The following SLC19A1 variants were observed in gnomAD, a reference collection of about 807,000 sequenced individuals.
The protein encoded by SLC19A1 is reduced folate transporter.
A neutral mutation model predicts 35.3 loss-of-function variants in SLC19A1; 37 were observed. That is an observed-to-expected ratio of 1.05 (90% CI 0.81 to 1.38). The LOEUF (loss-of-function observed/expected upper bound fraction) is 1.38. SLC19A1 is among the 40% of genes most tolerant of loss of function. The pLI is 0.00. For synonymous variants in SLC19A1, 460 were observed against 398.5 expected, an observed-to-expected ratio of 1.15 and a Z score of -1.84; for missense variants, 831 against 826.9, an observed-to-expected ratio of 1.00 and a Z score of -0.06.
downstream of SLC19A1, chr21:45,511,337 G>A (rs914559405): frequency 1.4e-6 from 1 of 698,052 alleles, no homozygotes; most frequent in Non-Finnish European, 2.6e-6. Context: ...TCTTATACAT[G>A]CTCATTACTT....
intron 1 of SLC19A1, among the ~76,000 whole-genome samples, chr21:45,558,806 CT>C (rs11363346): frequency 0.44 from 61,296 of 138,968 alleles, 12,797 homozygotes; most frequent in African/African-American, 0.52. Context: ...TTTTCTTTTT[CT>C]TTTTTCTTTT....
chr21:45,515,022 G>T lies in SLC19A1; in HGVS notation c.*636C>A. The stretch of plus-strand genomic sequence containing the variant: ...AGGACAGACAGGACCATGGAGGGCT[G>T]CCCTTAGGGTGGGAGAGAGGAACCA... On this transcript the variant is annotated 3_prime_UTR_variant, in exon 6 of 6. Transcript: ENST00000311124. 6.5e-7 allele frequency: 1 copy of T among 1,536,454 alleles called. No individual in the cohort carries two copies. Among genetic ancestry groups the T allele is most frequent in the East Asian group, 2.5e-5 (1 of 40,778 alleles).
chr21:45,521,083 C>T (rs929246221), intron 5 of SLC19A1, among the ~76,000 whole-genome samples: 1 of 151,330 alleles, frequency 6.6e-6, no homozygotes, highest in African/African-American at 2.4e-5. Context: ...AAAAAAAGAC[C>T]ATATGAAGAC....
chr21:45,562,953 C>T (rs1001774749), exon 1 of SLC19A1, among the ~76,000 whole-genome samples: 4 of 152,178 alleles, frequency 2.6e-5, no homozygotes, highest in South Asian at 2.1e-4. Context: ...TACGTGTGTA[C>T]GGATCTGTGC....
In SLC19A1 at chr21:45,515,744, G is replaced by T. The variant is rs922871423; in HGVS notation, c.1690C>A (p.Pro564Thr). The change falls in exon 6 of 6, where the codon CCC becomes ACC. Residue 564 changes from proline (P) to threonine (T), a missense_variant. Physicochemically the swap from Pro to Thr is conservative, Grantham distance 38 (BLOSUM62 -1). Transcript: ENST00000311124. ...SGPEAADETC[P>T]QLAVHPPGVS... Reference sequence around the variant, plus strand: ...CCAGGAGGATGGACAGCCAGCTGGGGACAAGTCTCATCTGCAGCCTCAGGG... The same window carrying T: ...CCAGGAGGATGGACAGCCAGCTGGGTACAAGTCTCATCTGCAGCCTCAGGG... 4 of 1,613,720 alleles carry T rather than the reference G, an allele frequency of 2.5e-6. No homozygotes were observed. The highest frequency in any genetic ancestry group is 3.4e-6 in the Non-Finnish European group (4 of 1,180,020).
Position 45,515,621 on chromosome 21 carries a change from G to A in SLC19A1, c.*37C>T. 6.2e-7 allele frequency: 1 copy of A among 1,611,498 alleles called. No homozygotes were observed. The highest frequency in any genetic ancestry group is 2.2e-5 in the East Asian group (1 of 44,872). On this transcript the variant is annotated 3_prime_UTR_variant, in exon 6 of 6. Transcript: ENST00000311124. ...GGCAGGGGTCGTGGGGATGCACTGA[G>A]GGCCGCCTGCAAAGTTACCACAGGG...
intron 5 of SLC19A1, 44 bp from the exon 6 acceptor site, chr21:45,516,184 G>A: frequency 1.3e-6 from 2 of 1,494,032 alleles, no homozygotes; most frequent in Non-Finnish European, 1.8e-6. Context: ...GGGCCTGGCT[G>A]GGACACTGGC....
At position 45,505,671 on chromosome 21, in the gene SLC19A1, C is replaced by A. The variant is rs28547269; in HGVS notation, c.498-7059G>T. Among the ~76,000 whole-genome samples the A allele has an allele frequency of 0.53, 80,683 of 151,990 alleles. 22,460 individuals are homozygous for A. Among genetic ancestry groups the A allele is most frequent in the African/African-American group, 0.71 (29,587 of 41,464 alleles). Reference sequence around the variant, plus strand: ...TTGTCCACGGAGGCGCAGGAGCTGGCGGCAGGCAGGGGTCCCCATGGTGCT... The same window carrying A: ...TTGTCCACGGAGGCGCAGGAGCTGGAGGCAGGCAGGGGTCCCCATGGTGCT... On this transcript the variant is annotated intron_variant, in intron 3 of 4. Transcript: ENST00000417954.
rs1190334080 is a variant in SLC19A1, at chr21:45,530,307, T to C, written c.1151+463A>G. Among the ~76,000 whole-genome samples the C allele has an allele frequency of 6.6e-6, 1 of 150,994 alleles. No homozygotes were observed. Among genetic ancestry groups the C allele is most frequent in the Non-Finnish European group, 1.5e-5 (1 of 67,784 alleles). On this transcript the variant is annotated intron_variant, in intron 4 of 5. Coordinates refer to ENST00000311124, the MANE Select transcript of SLC19A1 (RefSeq NM_194255.4). This position sits in a 1 kb window ranked among gnomAD's most constrained non-coding sequence, Gnocchi z 5.3. ...TTTGTCCATGTGTGCACGTGTGGTATGTGTTCATGAGTGTGTGGTGAGTGT... is the reference window on the plus strand; with the variant it reads ...TTTGTCCATGTGTGCACGTGTGGTACGTGTTCATGAGTGTGTGGTGAGTGT...
At chr21:45,511,340 C>T (rs1241697964), downstream of SLC19A1, 8 of 696,458 alleles carry the variant, frequency 1.1e-5, no homozygotes, top group Admixed American at 2.0e-5. Context: ...TATACATGCT[C>T]ATTACTTTAA....
chr21:45,557,771 C>T (rs576324647), intron 1 of SLC19A1, among the ~76,000 whole-genome samples: 1 of 152,312 alleles, frequency 6.6e-6, no homozygotes, highest in East Asian at 1.9e-4. Flanking sequence ...AGGAGCTTGT[C>T]CCGGCTCAGG....
At position 45,515,818 on chromosome 21, in the gene SLC19A1, G is replaced by A. The variant is rs1305979626; in HGVS notation, c.1616C>T (p.Pro539Leu). ...PAPQAAEFLS[P>L]VTTPSPCTLC... is the part of the protein sequence containing the mutation. ...AGTGCAGGGGGAAGGGGTTGTCACT[G>A]GGCTCAGGAATTCAGCTGCCTGCGG... The change falls in exon 6 of 6, where the codon CCA becomes CTA. Residue 539 changes from proline (P) to leucine (L), a missense_variant. Coordinates refer to ENST00000311124, the MANE Select transcript of SLC19A1 (RefSeq NM_194255.4). 1.2e-6 allele frequency: 2 copies of A among 1,609,696 alleles called. No homozygotes were observed. Among genetic ancestry groups the A allele is most frequent in the African/African-American group, 1.3e-5 (1 of 74,938 alleles).
chr21:45,535,548 G>A (rs1352286286), intron 2 of SLC19A1, among the ~76,000 whole-genome samples: 3 of 152,214 alleles, frequency 2.0e-5, no homozygotes, highest in Non-Finnish European at 2.9e-5. Context: ...CCAGACGGCC[G>A]GCGCTCAGCA....
intron 3 of SLC19A1, chr21:45,504,472 G>C: frequency 6.2e-7 from 1 of 1,608,840 alleles, no homozygotes; most frequent in Non-Finnish European, 8.5e-7. Context: ...GGGAGCCCGG[G>C]GGCGGCGGTT....
At chr21:45,538,459 C>A (rs2078205269) in intron 1 of SLC19A1, among the ~76,000 whole-genome samples, 1 of 152,226 alleles carries the variant, frequency 6.6e-6, no homozygotes. Context: ...GCTCTAGCGG[C>A]ACCCAGGTGG....
intron 1 of SLC19A1, among the ~76,000 whole-genome samples, chr21:45,557,035 C>A (rs1289402427): frequency 6.6e-6 from 1 of 152,214 alleles, no homozygotes; most frequent in Non-Finnish European, 1.5e-5. Context: ...CATGTAACCT[C>A]CCCTGGGCTC....
At chr21:45,529,461 C>G (rs1298422896) in intron 4 of SLC19A1, among the ~76,000 whole-genome samples, 2 of 152,186 alleles carry the variant, frequency 1.3e-5, no homozygotes, top group Non-Finnish European at 2.9e-5. Flanking sequence ...GGCCAAAGTC[C>G]TCCCAGCGGG....
Position 45,537,792 on chromosome 21 carries a change from G to A in SLC19A1, c.168C>T (p.Asp56=), listed in dbSNP as rs763380658. 4 of 1,485,214 alleles carry A rather than the reference G, an allele frequency of 2.7e-6. No homozygotes were observed. The South Asian group carries it at 3.7e-5, about 14-fold the overall frequency. 92.0% of individuals were successfully genotyped at this position (1,485,214 alleles called of 1,614,324 possible). Residue 56 remains aspartate, a synonymous_variant, in exon 2 of 6, where the codon GAC becomes GAT. Transcript: ENST00000311124. The part of the protein sequence containing the change: ...SFITPYLLGP[D]KNFTREQVTN... ...ATGCCTGCTCCCGCGTGAAGTTCTT[G>A]TCGGGCCCCAGGAGGTAGGGGGTGA... is the stretch of plus-strand genomic sequence containing the variant.
Position 45,502,602 on chromosome 21 carries a change from GAAC to G in SLC19A1, c.498-3993_498-3991del, listed in dbSNP as rs577917009. The stretch of plus-strand genomic sequence containing the variant: ...TCCAAAGTTAATTCTTTGCAAAGGC[GAAC>G]AACATTCCTGCACCTCTGCCGGGAC... On this transcript the variant is annotated intron_variant, in intron 3 of 4. Transcript: ENST00000417954. 9.2e-5 allele frequency: 14 copies of G among 152,266 alleles called. No individual in the cohort carries two copies. In the South Asian group the frequency reaches 2.7e-3, roughly 29 times the overall value. 9.4% of individuals were successfully genotyped at this position (152,266 alleles called of 1,614,324 possible). A position where few individuals can be genotyped will look rare whatever the true frequency, so the allele number is the denominator to read the frequency against.
Sources: allele counts gnomAD v4.1 joint callset (sites outside exome capture counted in the v4.1 genomes callset), GRCh38; gene constraint gnomAD v4.1.1; non-coding constraint Gnocchi (gnomAD v3.1); transcripts MANE v1.5; gene names NCBI Gene and HGNC (gene_info 2026-07-23, HGNC 2026-07-21).